The following TSBP1 variants were observed in gnomAD, a reference collection of about 807,000 sequenced individuals.
The protein encoded by TSBP1 is testis expressed basic protein 1, also known as testis-expressed basic protein 1.
In TSBP1, 56 loss-of-function variants were observed where a neutral mutation model predicts 68.8. The ratio of observed to expected loss-of-function variants is 0.81; its 90% CI spans 0.66 to 1.02. The LOEUF is 1.02. Ranked by LOEUF, TSBP1 falls within the 50% of genes least tolerant of loss-of-function variation. The probability of loss-of-function intolerance (pLI) is 0.00; values close to 1 mark genes in which losing one functional copy is unlikely to be tolerated. For synonymous variants in TSBP1, 171 were observed against 208.7 expected (o/e 0.82, Z 1.56); for missense variants, 502 against 641.2 (o/e 0.78, Z 2.34).
intron 19 of TSBP1, among the ~76,000 whole-genome samples, chr6:32,310,761 A>ATATATATATATATATATATATATATAT: frequency 5.5e-5 from 8 of 144,828 alleles, no homozygotes; most frequent in African/African-American, 1.8e-4. Flanking sequence ...ATATATATAT[A>ATATATATATATATATATATATATATAT]TTTTTAATCT....
chr6:32,336,473 C>A lies in TSBP1; in HGVS notation c.430+142G>T. 3.0e-6 allele frequency: 2 copies of A among 676,174 alleles called. No homozygotes were observed. The highest frequency in any genetic ancestry group is 1.9e-5 in the South Asian group (1 of 51,840). 41.9% of individuals were successfully genotyped at this position (676,174 alleles called of 1,614,324 possible). On this transcript the variant is annotated intron_variant, in intron 12 of 22. Coordinates refer to ENST00000612031, the Ensembl canonical transcript of TSBP1. This position sits in a 1 kb window ranked among gnomAD's most constrained non-coding sequence, Gnocchi z 5.2. ...AAACCTCAGCATCACACAATATACC[C>A]ATTAGCAAACCTGCATATGCACCAC...
intron 9 of TSBP1, among the ~76,000 whole-genome samples, chr6:32,346,341 C>A (rs183151946): frequency 1.8e-4 from 28 of 152,044 alleles, no homozygotes; most frequent in Non-Finnish European, 3.4e-4. Flanking sequence ...ATTTACTCAC[C>A]ATCCAAAGAC....
chr6:32,349,877 C>T (rs368059537), intron 8 of TSBP1, 117 bp from the exon 9 acceptor site: 1 of 1,112,492 alleles, frequency 9.0e-7, no homozygotes, highest in Non-Finnish European at 1.4e-6. Context: ...TGAGTCACAA[C>T]TTATTTCCTG....
At chr6:32,322,156 T>C (rs1349999123) in intron 18 of TSBP1, among the ~76,000 whole-genome samples, 2 of 152,302 alleles carry the variant, frequency 1.3e-5, no homozygotes, top group Middle Eastern at 3.4e-3. Context: ...AACTGAGATA[T>C]GAGAACCAAA....
rs545945431 is a variant in TSBP1 at position 32,360,846 on chromosome 6, C to CATTTT, written c.218-5182_218-5178dup. On this transcript the variant is annotated intron_variant, in intron 6 of 22. Coordinates refer to ENST00000612031, the Ensembl canonical transcript of TSBP1. ...AAAATGTCTATTTAGGTCCTTAGTC[C>CATTTT]ATTTTATTTTATTTTATTTTGTTTT... Among the ~76,000 whole-genome samples, 1,343 of 151,254 alleles carry CATTTT rather than the reference C, an allele frequency of 8.9e-3. 15 individuals carry two copies. Among genetic ancestry groups the CATTTT allele is most frequent in the African/African-American group, 0.03 (1,240 of 41,254 alleles).
chr6:32,355,549 G>T, intron 7 of TSBP1, 100 bp downstream of exon 7: 2 of 1,452,448 alleles, frequency 1.4e-6, no homozygotes, highest in South Asian at 2.5e-5. Context: ...CATATGACTT[G>T]ACATATGACA....
intron 14 of TSBP1, among the ~76,000 whole-genome samples, chr6:32,334,699 A>G (rs1242732276): frequency 6.6e-6 from 1 of 152,244 alleles, no homozygotes; most frequent in African/African-American, 2.4e-5. Flanking sequence ...TGCTGAAAAT[A>G]GAGCCTAACT....
Position 32,343,799 on chromosome 6 carries a change from T to C in TSBP1, c.350-4161A>G, listed in dbSNP as rs1368280688. On this transcript the variant is annotated intron_variant, in intron 9 of 22. Transcript: ENST00000612031. The surrounding 1 kb of genome is among the most constrained non-coding windows in gnomAD (Gnocchi z 4.3). The stretch of plus-strand genomic sequence containing the variant: ...TTTCTGAATATTCCTTAAACATTTT[T>C]TTCTTTAACGTACTGACCATCTTCC... Among the ~76,000 whole-genome samples, 3 of 152,230 alleles carry C rather than the reference T, an allele frequency of 2.0e-5. No individual in the cohort carries two copies. The highest frequency in any genetic ancestry group is 4.4e-5 in the Non-Finnish European group (3 of 68,034).
chr6:32,328,489 C>T lies in TSBP1; in HGVS notation c.514+2100G>A, dbSNP rs867105964. ...GGAGTGCAGTGGTGAGATCTCGGCT[C>T]ACTGCAATCTCCACCTCCCAAGTTC... On this transcript the variant is annotated intron_variant, in intron 16 of 22. Coordinates refer to ENST00000612031, the Ensembl canonical transcript of TSBP1. Among the ~76,000 whole-genome samples, 47 of 150,476 alleles carry T rather than the reference C, an allele frequency of 3.1e-4. 1 individual carries two copies. The highest frequency in any genetic ancestry group is 1.1e-3 in the African/African-American group (45 of 40,920).
At chr6:32,364,383 T>C (rs1773411437) in intron 6 of TSBP1, among the ~76,000 whole-genome samples, 1 of 151,378 alleles carries the variant, frequency 6.6e-6, no homozygotes, top group Non-Finnish European at 1.5e-5. Flanking sequence ...CCCATAAATC[T>C]TGTACATATT....
At chr6:32,371,623 C>G in intron 1 of TSBP1, 71 bp downstream of exon 1, 1 of 1,087,102 alleles carries the variant, frequency 9.2e-7, no homozygotes, top group South Asian at 1.3e-5. Context: ...TGTTAAAGTC[C>G]CTAAGTCCCT....
At chr6:32,299,394 GT>G (rs957858787) in intron 22 of TSBP1, among the ~76,000 whole-genome samples, 4 of 152,080 alleles carry the variant, frequency 2.6e-5, no homozygotes, top group Admixed American at 6.6e-5. Context: ...TTTTTAACTA[GT>G]TTTTTTCCCC....
At chr6:32,312,981 C>T (rs1766561637) in intron 19 of TSBP1, among the ~76,000 whole-genome samples, 1 of 152,186 alleles carries the variant, frequency 6.6e-6, no homozygotes, top group Non-Finnish European at 1.5e-5. Context: ...CTATCATTTC[C>T]CTGTTCAAGC....
intron 22 of TSBP1, among the ~76,000 whole-genome samples, chr6:32,299,347 G>T (rs1765047414): frequency 6.6e-6 from 1 of 152,188 alleles, no homozygotes; most frequent in Non-Finnish European, 1.5e-5. Context: ...TTCAAAGGTA[G>T]TTATTTAGAA....
rs965148911 is a variant in TSBP1 at position 32,333,292 on chromosome 6, C to T, written c.473-1238G>A. 6.6e-6 allele frequency among the ~76,000 whole-genome samples: 1 copy of T among 151,692 alleles called. No individual in the cohort carries two copies. Among genetic ancestry groups the T allele is most frequent in the Non-Finnish European group, 1.5e-5 (1 of 67,904 alleles). ...CCCAAAGTGCTGGGATTACTGCACC[C>T]AGCCGAAAGCCTGTTATGTTATTTA... On this transcript the variant is annotated intron_variant, in intron 14 of 22. Coordinates refer to ENST00000612031, the Ensembl canonical transcript of TSBP1. The surrounding 1 kb of genome is among the most constrained non-coding windows in gnomAD (Gnocchi z 4.2).
At chr6:32,309,287 CTT>C (rs1303115126) in intron 19 of TSBP1, among the ~76,000 whole-genome samples, 2 of 151,906 alleles carry the variant, frequency 1.3e-5, no homozygotes, top group African/African-American at 4.8e-5. Flanking sequence ...TCTTCCTTCT[CTT>C]TTTTTTCTTT....
At chr6:32,355,616 CA>C in intron 7 of TSBP1, 32 bp downstream of exon 7, 1 of 1,589,992 alleles carries the variant, frequency 6.3e-7, no homozygotes, top group Non-Finnish European at 8.5e-7. Context: ...TAATAGGAAG[CA>C]AATTTTTGTT....
intron 22 of TSBP1, 95 bp downstream of exon 25, chr6:32,299,827 G>T: frequency 1.0e-6 from 1 of 991,416 alleles, no homozygotes; most frequent in Non-Finnish European, 1.6e-6. Context: ...GGCCTTAGAA[G>T]CACAGGCCTC....
Position 32,336,922 on chromosome 6 carries a change from T to C in TSBP1, c.410-287A>G, listed in dbSNP as rs1197771864. Among the ~76,000 whole-genome samples the C allele has an allele frequency of 6.6e-6, 1 of 152,228 alleles. No individual in the cohort carries two copies. Among genetic ancestry groups the C allele is most frequent in the Non-Finnish European group, 1.5e-5 (1 of 68,042 alleles). ...TGGCTTTCCCTTGTCCTAAACTCAG[T>C]AGCAATTCAGGATATTGTGTCTGAT... On this transcript the variant is annotated intron_variant, in intron 11 of 22. Transcript: ENST00000612031. The surrounding 1 kb of genome is among the most constrained non-coding windows in gnomAD (Gnocchi z 5.2).
Sources: allele counts gnomAD v4.1 joint callset (sites outside exome capture counted in the v4.1 genomes callset), GRCh38; gene constraint gnomAD v4.1.1; non-coding constraint Gnocchi (gnomAD v3.1); transcripts MANE v1.5; gene names NCBI Gene and HGNC (gene_info 2026-07-23, HGNC 2026-07-21).